CDH13: variants seen among roughly 807,000 people sequenced by gnomAD.
CDH13 encodes the protein cadherin-13.
CDH13 carries 24 observed loss-of-function variants against 63.8 expected under a neutral mutation model. The observed-to-expected ratio is 0.38, with a 90% confidence interval of 0.27 to 0.53. The LOEUF (loss-of-function observed/expected upper bound fraction) is 0.53. Among genes scored for constraint, CDH13 ranks in the 20% least tolerant of loss-of-function variants. The pLI, the probability that CDH13 is intolerant of heterozygous loss-of-function variation, is 0.85. For missense variants in CDH13, 1,049 were observed against 903.1 expected, an observed-to-expected ratio of 1.16 and a Z score of -2.07; for synonymous variants, 503 against 355.3, an observed-to-expected ratio of 1.42 and a Z score of -4.67.
intron 6 of CDH13, among the ~76,000 whole-genome samples, chr16:83,354,646 G>A (rs141815047): frequency 6.6e-6 from 1 of 152,172 alleles, no homozygotes; most frequent in Non-Finnish European, 1.5e-5. Context: ...GTGAAATAAA[G>A]GAGCCTACCA....
chr16:83,777,967 A>G (rs957031053), intron 11 of CDH13, among the ~76,000 whole-genome samples: 1 of 152,242 alleles, frequency 6.6e-6, no homozygotes, highest in East Asian at 1.9e-4. Context: ...ATCTTAGCCA[A>G]GAGGCCAAGA....
intron 2 of CDH13, among the ~76,000 whole-genome samples, chr16:82,986,459 T>A (rs1472271459): frequency 6.6e-6 from 1 of 152,232 alleles, no homozygotes; most frequent in Admixed American, 6.5e-5. Flanking sequence ...AGATTTCTTA[T>A]TGTCCTCTGG....
chr16:83,194,835 C>T (rs2038829430), intron 4 of CDH13, among the ~76,000 whole-genome samples: 1 of 152,182 alleles, frequency 6.6e-6, no homozygotes, highest in Non-Finnish European at 1.5e-5. Flanking sequence ...CTATTACGGT[C>T]ATCATCATTT....
intron 3 of CDH13, among the ~76,000 whole-genome samples, chr16:83,074,609 T>C (rs1422653576): frequency 1.3e-5 from 2 of 152,216 alleles, no homozygotes; most frequent in African/African-American, 4.8e-5. Context: ...TAATTTACTT[T>C]TACACCAACA....
At chr16:83,320,240 C>G (rs556824305) in intron 5 of CDH13, among the ~76,000 whole-genome samples, 1 of 151,776 alleles carries the variant, frequency 6.6e-6, no homozygotes, top group South Asian at 2.1e-4. Flanking sequence ...GAAACAGGGT[C>G]TCATTCTGTT....
chr16:83,434,982 T>C (rs1051694943), intron 6 of CDH13, among the ~76,000 whole-genome samples: 18 of 98,844 alleles, frequency 1.8e-4, no homozygotes, highest in African/African-American at 5.0e-4. Flanking sequence ...TATAAATAAA[T>C]AAATATATAT....
At chr16:83,158,363 T>C (rs1263254254) in intron 4 of CDH13, among the ~76,000 whole-genome samples, 2 of 152,188 alleles carry the variant, frequency 1.3e-5, no homozygotes, top group African/African-American at 2.4e-5. Flanking sequence ...CCATATTTCT[T>C]TTCCTTTTTT....
intron 4 of CDH13, chr16:83,181,006 A>C (rs1375144523): frequency 6.6e-7 from 1 of 1,525,308 alleles, no homozygotes; most frequent in Non-Finnish European, 8.8e-7. Flanking sequence ...AATAAATCAC[A>C]AACATTTTAC....
intron 10 of CDH13, among the ~76,000 whole-genome samples, chr16:83,682,603 G>C (rs912214608): frequency 6.6e-6 from 1 of 152,104 alleles, no homozygotes; most frequent in Non-Finnish European, 1.5e-5. Flanking sequence ...AGTTGCTGCT[G>C]TGTCCCGAGA....
chr16:83,409,307 C>A (rs1263828173), intron 6 of CDH13, among the ~76,000 whole-genome samples: 1 of 152,164 alleles, frequency 6.6e-6, no homozygotes, highest in Non-Finnish European at 1.5e-5. Flanking sequence ...CTGCTAGGGA[C>A]ATTAATCCCC....
intron 1 of CDH13, among the ~76,000 whole-genome samples, chr16:82,649,385 TA>T (rs1433047421): frequency 6.6e-6 from 1 of 152,140 alleles, no homozygotes; most frequent in Non-Finnish European, 1.5e-5. Context: ...TGGTGAATTG[TA>T]ATGTTATAGT....
chr16:83,025,085 T>G (rs1051768548), intron 2 of CDH13, among the ~76,000 whole-genome samples: 4 of 152,136 alleles, frequency 2.6e-5, no homozygotes, highest in African/African-American at 4.8e-5. Context: ...AAGGAAAAGG[T>G]AGCTTCCTTA....
At chr16:83,500,335 C>T (rs1337333994) in intron 7 of CDH13, among the ~76,000 whole-genome samples, 113 of 712 alleles carry the variant, frequency 0.16, 53 homozygotes, top group East Asian at 1. Context: ...TCCTCCTCCT[C>T]CTCCTCCTCC....
chr16:83,295,759 G>C (rs1009896779), intron 5 of CDH13, among the ~76,000 whole-genome samples: 3 of 152,142 alleles, frequency 2.0e-5, no homozygotes, highest in Admixed American at 6.6e-5. Context: ...AAATAGTATA[G>C]AGATTCCTCA....
At chr16:83,181,994 C>G (rs1386892301) in intron 4 of CDH13, among the ~76,000 whole-genome samples, 1 of 152,180 alleles carries the variant, frequency 6.6e-6, no homozygotes, top group African/African-American at 2.4e-5. Flanking sequence ...GGATTCCCCT[C>G]CAAGCGTGCT....
At chr16:83,682,876 C>G (rs1204847250) in intron 10 of CDH13, among the ~76,000 whole-genome samples, 2 of 152,188 alleles carry the variant, frequency 1.3e-5, no homozygotes, top group Non-Finnish European at 2.9e-5. Context: ...TGGCCACTGT[C>G]ACCTCCTCCC....
At chr16:83,387,586 T>C (rs1416856523) in intron 6 of CDH13, among the ~76,000 whole-genome samples, 1 of 152,148 alleles carries the variant, frequency 6.6e-6, no homozygotes, top group Non-Finnish European at 1.5e-5. Flanking sequence ...GCTGAAAAAA[T>C]GTAAATGGGA....
Position 83,201,014 on chromosome 16 carries a change from T to C in CDH13, c.484-16331T>C, listed in dbSNP as rs1015793797. 3.3e-5 allele frequency among the ~76,000 whole-genome samples: 5 copies of C among 151,656 alleles called. No homozygotes were observed. In the East Asian group the frequency reaches 7.8e-4, roughly 24 times the overall value. ...CTAGGAGAATCACTCAGAATGACTC[T>C]GTTGGAGGATACCAGAATATCTCTT... On this transcript the variant is annotated intron_variant, in intron 4 of 13. Coordinates refer to ENST00000567109, the MANE Select transcript of CDH13 (RefSeq NM_001257.5).
intron 5 of CDH13, among the ~76,000 whole-genome samples, chr16:83,340,484 A>G (rs577283928): frequency 2.6e-5 from 4 of 152,294 alleles, no homozygotes; most frequent in African/African-American, 7.2e-5. Context: ...TTATTTTCCT[A>G]TAGCTGAACC....
Sources: allele counts gnomAD v4.1 joint callset (sites outside exome capture counted in the v4.1 genomes callset), GRCh38; gene constraint gnomAD v4.1.1; transcripts MANE v1.5; gene names NCBI Gene and HGNC (gene_info 2026-07-23, HGNC 2026-07-21).